The following TCF20 variants were observed in gnomAD, a reference collection of about 807,000 sequenced individuals.
TCF20 encodes the protein transcription factor 20.
Under a neutral mutation model 148.6 loss-of-function variants are expected in TCF20, and 3 were observed. That is an observed-to-expected ratio of 0.02 (90% CI 0.01 to 0.05). The LOEUF (loss-of-function observed/expected upper bound fraction) is 0.05, where lower values mean the gene tolerates loss of function less well. TCF20 is among the 10% of genes least tolerant of loss of function. The pLI is 1.00. For missense variants in TCF20, 2,350 were observed against 2,429.3 expected (o/e 0.97, Z 0.69); for synonymous variants, 1,049 against 909.5 (o/e 1.15, Z -2.76).
At chr22:42,268,754 G>A (rs749964262) in intron 1 of TCF20, among the ~76,000 whole-genome samples, 1 of 152,164 alleles carries the variant, frequency 6.6e-6, no homozygotes, top group Non-Finnish European at 1.5e-5. Context: ...ATGTTAAGGT[G>A]CATTCCACCT....
chr22:42,245,242 T>TACAGGC (rs1193173928), intron 1 of TCF20, among the ~76,000 whole-genome samples: 2 of 152,106 alleles, frequency 1.3e-5, no homozygotes, highest in Non-Finnish European at 2.9e-5. Flanking sequence ...CATGCACCAC[T>TACAGGC]ATGCCCGGCT....
intron 1 of TCF20, among the ~76,000 whole-genome samples, chr22:42,321,128 G>A (rs529065818): frequency 2.2e-4 from 34 of 152,400 alleles, no homozygotes; most frequent in East Asian, 1.2e-3. Flanking sequence ...AGGGCTGGGA[G>A]AAGATTTAAG....
At chr22:42,339,800 A>C (rs762176388) in intron 1 of TCF20, among the ~76,000 whole-genome samples, 43 of 152,180 alleles carry the variant, frequency 2.8e-4, no homozygotes, top group Admixed American at 7.2e-4. Context: ...CCAGGTGCTC[A>C]CGGGGCCAGC....
Position 42,215,329 on chromosome 22 carries a change from G to A in TCF20, c.-24C>T. ...ATACTGTTCAGCAGCACAGCAGCAG[G>A]CCAACAGCCCTCCTAGAAATAGAAG... On this transcript the variant is annotated 5_prime_UTR_variant, in exon 2 of 6. Coordinates refer to ENST00000677622, the MANE Select transcript of TCF20 (RefSeq NM_001378418.1). The A allele has an allele frequency of 6.3e-7, 1 of 1,585,166 alleles. No individual in the cohort carries two copies. The highest frequency in any genetic ancestry group is 8.6e-7 in the Non-Finnish European group (1 of 1,164,276).
chr22:42,248,026 C>T (rs544759165), intron 1 of TCF20, among the ~76,000 whole-genome samples: 33 of 152,166 alleles, frequency 2.2e-4, no homozygotes, highest in Non-Finnish European at 4.4e-4. Context: ...TCAGGCACTA[C>T]TCTAGGAAAC....
intron 1 of TCF20, among the ~76,000 whole-genome samples, chr22:42,252,041 G>A (rs963780212): frequency 5.3e-5 from 8 of 151,174 alleles, no homozygotes; most frequent in African/African-American, 1.7e-4. Context: ...CTGCCAAGGT[G>A]GGCAGATCAC....
intron 1 of TCF20, among the ~76,000 whole-genome samples, chr22:42,230,813 G>A (rs940272442): frequency 5.3e-5 from 8 of 151,796 alleles, no homozygotes; most frequent in African/African-American, 1.7e-4. Context: ...ATGTGTTTGT[G>A]TCTTAGTTTT....
At chr22:42,235,619 T>C (rs2147291375) in intron 1 of TCF20, among the ~76,000 whole-genome samples, 1 of 152,366 alleles carries the variant, frequency 6.6e-6, no homozygotes, top group Non-Finnish European at 1.5e-5. Flanking sequence ...TGTTTTCTAT[T>C]GATTCTTCTG....
At chr22:42,194,928 G>T (rs1937516841) in intron 2 of TCF20, among the ~76,000 whole-genome samples, 1 of 151,740 alleles carries the variant, frequency 6.6e-6, no homozygotes, top group Non-Finnish European at 1.5e-5. Flanking sequence ...AGTATCCATA[G>T]ACCATGCCTC....
At chr22:42,252,598 G>A (rs1019583668) in intron 1 of TCF20, among the ~76,000 whole-genome samples, 1 of 151,930 alleles carries the variant, frequency 6.6e-6, no homozygotes, top group Admixed American at 6.6e-5. Context: ...TTACAGGCAC[G>A]CACCACCATG....
intron 1 of TCF20, among the ~76,000 whole-genome samples, chr22:42,294,819 G>A (rs923118434): frequency 6.6e-6 from 1 of 152,250 alleles, no homozygotes; most frequent in Middle Eastern, 3.2e-3. Context: ...GCAGGTGCAG[G>A]CGGAGTGCCT....
chr22:42,253,664 C>T (rs2147355436), intron 1 of TCF20, among the ~76,000 whole-genome samples: 1 of 151,894 alleles, frequency 6.6e-6, no homozygotes, highest in East Asian at 1.9e-4. Flanking sequence ...TTTTAAAAAC[C>T]CTGAAAACAG....
At chr22:42,222,866 T>A (rs1343034445) in intron 1 of TCF20, among the ~76,000 whole-genome samples, 2 of 152,178 alleles carry the variant, frequency 1.3e-5, no homozygotes, top group African/African-American at 4.8e-5. Flanking sequence ...ATAATAAAAA[T>A]TGCTGGCCGG....
rs370362686 is a variant in TCF20, at chr22:42,315,552, C to G, written c.-37+27927G>C. The stretch of plus-strand genomic sequence containing the variant: ...AACTTTCACTGGTTCTACCTCTGGG[C>G]AAAGTCCTGGGCTGGCCATGGGGCC... On this transcript the variant is annotated intron_variant, in intron 1 of 1. Coordinates refer to the TCF20 transcript ENST00000515426. Among the ~76,000 whole-genome samples, 335 of 152,348 alleles carry G rather than the reference C, an allele frequency of 2.2e-3. 3 individuals carry two copies. Among genetic ancestry groups the G allele is most frequent in the African/African-American group, 7.5e-3 (313 of 41,578 alleles).
intron 2 of TCF20, among the ~76,000 whole-genome samples, chr22:42,196,221 T>C (rs532083891): frequency 1.3e-5 from 2 of 152,312 alleles, no homozygotes; most frequent in East Asian, 1.9e-4. Context: ...CCATGGGTGC[T>C]AAGTGGTGTA....
intron 1 of TCF20, among the ~76,000 whole-genome samples, chr22:42,255,071 A>C (rs1253741299): frequency 5.9e-5 from 9 of 151,624 alleles, no homozygotes; most frequent in African/African-American, 1.9e-4. Context: ...TGGGCAAGTC[A>C]CTCAACCTCC....
At chr22:42,248,066 A>C (rs1166702802) in intron 1 of TCF20, among the ~76,000 whole-genome samples, 1 of 152,150 alleles carries the variant, frequency 6.6e-6, no homozygotes, top group Non-Finnish European at 1.5e-5. Flanking sequence ...GAGTAGGCAA[A>C]GTTTCCATCC....
chr22:42,254,076 CAAAAAAAAAAAAAA>C, intron 1 of TCF20, among the ~76,000 whole-genome samples: 1 of 53,592 alleles, frequency 1.9e-5, no homozygotes, highest in African/African-American at 5.7e-5. Context: ...AACTCCCTTT[CAAAAAAAAAAAAAA>C]AAAAAAAAAG....
chr22:42,266,693 C>T (rs1049473315), intron 1 of TCF20, among the ~76,000 whole-genome samples: 19 of 152,172 alleles, frequency 1.2e-4, no homozygotes, highest in African/African-American at 3.4e-4. Context: ...GCAGGGGAAT[C>T]GCTTGAGCCT....
Sources: gnomAD v4.1 joint callset for allele counts (sites outside exome capture counted in the v4.1 genomes callset) on GRCh38, gnomAD v4.1.1 for gene constraint, MANE v1.5 for transcripts, NCBI Gene and HGNC (gene_info 2026-07-23, HGNC 2026-07-21) for gene names.